DOCK4: variants seen among roughly 807,000 people sequenced by gnomAD.
DOCK4 encodes the protein dedicator of cytokinesis protein 4.
Under a neutral mutation model 268.1 loss-of-function variants are expected in DOCK4, and 97 were observed. That is an observed-to-expected ratio of 0.36 (90% CI 0.31 to 0.43). The LOEUF (loss-of-function observed/expected upper bound fraction) is 0.43. Ranked by LOEUF, DOCK4 falls within the 20% of genes least tolerant of loss-of-function variation. The pLI, the probability that DOCK4 is intolerant of heterozygous loss-of-function variation, is 1.00. For missense variants in DOCK4, 2,145 were observed against 2,455.7 expected, an observed-to-expected ratio of 0.87 and a Z score of 2.67; for synonymous variants, 954 against 887.2, an observed-to-expected ratio of 1.08 and a Z score of -1.34.
intron 17 of DOCK4, among the ~76,000 whole-genome samples, chr7:111,875,213 G>A (rs768540012): frequency 1.3e-5 from 2 of 152,120 alleles, no homozygotes; most frequent in African/African-American, 2.4e-5. Flanking sequence ...ATGGAATTCC[G>A]ATCCCACTTT....
Position 112,018,169 on chromosome 7 carries a change from A to AAC in DOCK4, c.38-14039_38-14038insGT, listed in dbSNP as rs1554414703. ...AAAAAAAAAAAAAAAAAAAAAAAAA[A>AAC]AAAAAAAAAAACACAGGCAACCAGT... On this transcript the variant is annotated intron_variant, in intron 1 of 52. Coordinates refer to ENST00000428084, the MANE Select transcript of DOCK4 (RefSeq NM_001363540.2). Among the ~76,000 whole-genome samples, 9 of 138,920 alleles carry AAC rather than the reference A, an allele frequency of 6.5e-5. 1 individual carries two copies. The highest frequency in any genetic ancestry group is 2.7e-4 in the African/African-American group (9 of 33,300). 91.1% of individuals were successfully genotyped at this position (138,920 alleles called of 152,430 possible).
chr7:111,838,694 G>C (rs551441206), intron 25 of DOCK4, among the ~76,000 whole-genome samples: 43 of 152,256 alleles, frequency 2.8e-4, no homozygotes, highest in African/African-American at 9.4e-4. Flanking sequence ...GTCAGTAGTT[G>C]CTTGGGGATG....
chr7:111,923,424 A>C (rs1421850105), intron 12 of DOCK4, among the ~76,000 whole-genome samples: 1 of 152,120 alleles, frequency 6.6e-6, no homozygotes, highest in Non-Finnish European at 1.5e-5. Context: ...ACTGCTGCTA[A>C]GACTATTATT....
intron 7 of DOCK4, among the ~76,000 whole-genome samples, chr7:111,983,864 A>G (rs559659418): frequency 0.024 from 3,266 of 137,418 alleles, 61 homozygotes; most frequent in Non-Finnish European, 0.032. Context: ...GCGCGCGCGC[A>G]CACACACACA....
chr7:111,790,313 G>T, intron 31 of DOCK4, 144 bp downstream of exon 31: 1 of 866,894 alleles, frequency 1.2e-6, no homozygotes, highest in Non-Finnish European at 1.7e-6. Flanking sequence ...ACGGCTGTGT[G>T]GCTTGGGAGT....
chr7:111,938,875 T>C (rs1168401721), intron 11 of DOCK4, among the ~76,000 whole-genome samples: 1 of 150,618 alleles, frequency 6.6e-6, no homozygotes, highest in Admixed American at 6.6e-5. Context: ...CTCAGGAGGC[T>C]GAGGCAGAAA....
chr7:112,082,220 T>C (rs929468704), intron 1 of DOCK4, among the ~76,000 whole-genome samples: 13 of 152,288 alleles, frequency 8.5e-5, no homozygotes, highest in Admixed American at 6.5e-4. Context: ...AGAGGAAATC[T>C]ATGTTAATGC....
At chr7:111,867,845 C>T in intron 22 of DOCK4, 139 bp downstream of exon 22, 1 of 855,534 alleles carries the variant, frequency 1.2e-6, no homozygotes, top group East Asian at 3.0e-5. Context: ...AAAGTCTACT[C>T]ATAAAGTTGG....
intron 1 of DOCK4, among the ~76,000 whole-genome samples, chr7:112,062,919 C>T (rs549132734): frequency 1.3e-5 from 2 of 152,142 alleles, no homozygotes; most frequent in African/African-American, 2.4e-5. Flanking sequence ...CCTCGTGATC[C>T]GCCTGCCTCA....
intron 12 of DOCK4, among the ~76,000 whole-genome samples, chr7:111,928,058 A>G (rs1015815236): frequency 1.3e-5 from 2 of 152,148 alleles, no homozygotes; most frequent in African/African-American, 4.8e-5. Flanking sequence ...GACCTACTAT[A>G]AAAAAACTAA....
chr7:112,084,580 G>C (rs1808893336), intron 1 of DOCK4, among the ~76,000 whole-genome samples: 1 of 152,114 alleles, frequency 6.6e-6, no homozygotes. Context: ...TCATGCTGCT[G>C]ACTAGCAATA....
At position 111,808,865 on chromosome 7, in the gene DOCK4, C is replaced by A; in HGVS notation, c.3122G>T (p.Arg1041Leu). Reference sequence around the variant, plus strand: ...GAAAATTTCACAACCCATTGTTACCCGCATGTCACCATACCTGAAATAGAA... The same window carrying A: ...GAAAATTTCACAACCCATTGTTACCAGCATGTCACCATACCTGAAATAGAA... Reference protein sequence around the residue: ...KKVLEKYGDMRVTMGCEIFSM... With the variant: ...KKVLEKYGDMLVTMGCEIFSM... Residue 1041 changes from arginine (R) to leucine (L), a missense_variant, in exon 30 of 53, where the codon CGG (arginine) becomes CTG (leucine). By Grantham distance (102) the Arg-to-Leu change is moderately radical (BLOSUM62 -2). Around this residue, in one of 2 missense-constraint regions of DOCK4, gnomAD observed 1,598 missense variants for 1,986.7 expected, o/e 0.80. Transcript: ENST00000428084. The A allele has an allele frequency of 6.2e-7, 1 of 1,613,034 alleles. No individual in the cohort carries two copies. Among genetic ancestry groups the A allele is most frequent in the Non-Finnish European group, 8.5e-7 (1 of 1,179,554 alleles).
chr7:111,871,551 T>C (rs1472160894), intron 20 of DOCK4, among the ~76,000 whole-genome samples: 1 of 152,228 alleles, frequency 6.6e-6, no homozygotes, highest in Non-Finnish European at 1.5e-5. Context: ...CAGCTGGCAC[T>C]CAGTAAATCC....
At chr7:111,977,354 T>C in intron 7 of DOCK4, 71 bp from the exon 8 acceptor site, 1 of 1,518,592 alleles carries the variant, frequency 6.6e-7, no homozygotes, top group South Asian at 1.3e-5. Context: ...AACAAACTAG[T>C]TAGCTATGAG....
chr7:112,040,482 T>C (rs968919173), intron 1 of DOCK4, among the ~76,000 whole-genome samples: 3 of 152,194 alleles, frequency 2.0e-5, no homozygotes, highest in African/African-American at 7.2e-5. Flanking sequence ...ACTATAGACA[T>C]TTCAATAGAT....
chr7:112,094,121 GA>G (rs1396209266), intron 1 of DOCK4, among the ~76,000 whole-genome samples: 2 of 151,720 alleles, frequency 1.3e-5, no homozygotes, highest in African/African-American at 4.8e-5. Context: ...ATCTTTGTCT[GA>G]AAAACAAATT....
At chr7:111,904,062 A>G (rs1287826995) in intron 13 of DOCK4, among the ~76,000 whole-genome samples, 1 of 152,232 alleles carries the variant, frequency 6.6e-6, no homozygotes. Flanking sequence ...ATCTGCTGGA[A>G]GGACGTGGCC....
intron 27 of DOCK4, among the ~76,000 whole-genome samples, chr7:111,812,427 A>T (rs1251192713): frequency 6.6e-6 from 1 of 152,126 alleles, no homozygotes; most frequent in East Asian, 1.9e-4. Context: ...CTACAGGTGC[A>T]TGCTGCTGTG....
intron 12 of DOCK4, among the ~76,000 whole-genome samples, chr7:111,927,435 A>T (rs1464757573): frequency 6.6e-6 from 1 of 152,232 alleles, no homozygotes; most frequent in African/African-American, 2.4e-5. Context: ...TCTTAACTAC[A>T]AAAGAAATCT....
Sources: gnomAD v4.1 joint callset for allele counts (sites outside exome capture counted in the v4.1 genomes callset) on GRCh38, gnomAD v4.1.1 for gene constraint, gnomAD v4.1.1 regional missense constraint, MANE v1.5 for transcripts, NCBI Gene and HGNC (gene_info 2026-07-23, HGNC 2026-07-21) for gene names.